The following LARS2 variants were observed in gnomAD, a reference collection of about 807,000 sequenced individuals.
LARS2 encodes leucine--tRNA ligase, mitochondrial.
Under a neutral mutation model 116.6 loss-of-function variants are expected in LARS2, and 81 were observed. That is an observed-to-expected ratio of 0.69 (90% confidence interval 0.58 to 0.84). The LOEUF (loss-of-function observed/expected upper bound fraction) is 0.84. Ranked by LOEUF, LARS2 falls within the 40% of genes least tolerant of loss-of-function variation. LARS2 has a pLI of 0.00. For missense variants in LARS2, 968 were observed against 1,114.5 expected, an observed-to-expected ratio of 0.87 and a Z score of 1.87; for synonymous variants, 396 against 407.2, an observed-to-expected ratio of 0.97 and a Z score of 0.33.
intron 21 of LARS2, among the ~76,000 whole-genome samples, chr3:45,544,569 A>G (rs960098733): frequency 3.3e-5 from 5 of 152,210 alleles, no homozygotes; most frequent in Admixed American, 1.3e-4. Flanking sequence ...TACTAAGCAC[A>G]GTGGCCCTGT....
intron 10 of LARS2, among the ~76,000 whole-genome samples, chr3:45,482,137 C>A (rs1699713044): frequency 6.6e-6 from 1 of 152,130 alleles, no homozygotes; most frequent in Non-Finnish European, 1.5e-5. Context: ...ATTTTCTGGC[C>A]TTCACTTAAT....
intron 6 of LARS2, among the ~76,000 whole-genome samples, chr3:45,442,788 G>A (rs1698935011): frequency 6.6e-6 from 1 of 152,168 alleles, no homozygotes; most frequent in East Asian, 1.9e-4. Flanking sequence ...GCTCATTGAT[G>A]TTTAACATGT....
intron 8 of LARS2, among the ~76,000 whole-genome samples, chr3:45,471,096 A>C (rs145200074): frequency 0.036 from 5,177 of 144,812 alleles, 99 homozygotes; most frequent in Middle Eastern, 0.072. Context: ...CAAAAACCCC[A>C]AAAAAACAAA....
intron 8 of LARS2, among the ~76,000 whole-genome samples, chr3:45,465,338 G>T (rs1699401510): frequency 6.6e-6 from 1 of 152,070 alleles, no homozygotes; most frequent in Non-Finnish European, 1.5e-5. Context: ...TCCATCCTAT[G>T]CTCTCAGCCC....
At chr3:45,395,099 C>G (rs576796235) in intron 3 of LARS2, among the ~76,000 whole-genome samples, 3 of 152,170 alleles carry the variant, frequency 2.0e-5, no homozygotes, top group Non-Finnish European at 4.4e-5. Flanking sequence ...TGGGGCAGCA[C>G]ACAGGGATCT....
At chr3:45,501,249 CT>C (rs1454716542) in intron 15 of LARS2, among the ~76,000 whole-genome samples, 2 of 149,830 alleles carry the variant, frequency 1.3e-5, no homozygotes, top group Non-Finnish European at 3.0e-5. Flanking sequence ...AAGGTGCCCC[CT>C]CCAATTGTGT....
chr3:45,500,944 A>C (rs1700107281), intron 15 of LARS2, among the ~76,000 whole-genome samples: 1 of 151,998 alleles, frequency 6.6e-6, no homozygotes, highest in Non-Finnish European at 1.5e-5. Context: ...GCTTGGCTGA[A>C]TCCCACCTTG....
chr3:45,468,177 A>G (rs1699459684), intron 8 of LARS2, among the ~76,000 whole-genome samples: 1 of 152,164 alleles, frequency 6.6e-6, no homozygotes. Flanking sequence ...TCATTTATTT[A>G]CACATCTTCT....
intron 4 of LARS2, among the ~76,000 whole-genome samples, chr3:45,404,756 C>T (rs1001991839): frequency 6.6e-5 from 10 of 152,096 alleles, no homozygotes; most frequent in Non-Finnish European, 1.0e-4. Flanking sequence ...CCACCACACC[C>T]GGCTAATTTT....
At chr3:45,534,877 G>A (rs185751721) in intron 20 of LARS2, among the ~76,000 whole-genome samples, 4 of 152,232 alleles carry the variant, frequency 2.6e-5, no homozygotes, top group East Asian at 1.9e-4. Context: ...CTGAAGCTTC[G>A]GATCTGAGAA....
At position 45,392,552 on chromosome 3, in the gene LARS2, C is replaced by T. The variant is rs1697973746; in HGVS notation, c.-22+904C>T. Among the ~76,000 whole-genome samples, 3 of 152,248 alleles carry T rather than the reference C, an allele frequency of 2.0e-5. No individual in the cohort carries two copies. The South Asian group carries it at 6.2e-4, about 32-fold the overall frequency. On this transcript the variant is annotated intron_variant, in intron 2 of 21. Coordinates refer to ENST00000645846, the MANE Select transcript of LARS2 (RefSeq NM_015340.4). ...TCAGGTGATCCGCCTGCCTCAGCCTCCCAGAATGCTGGTGTTACAGACGTG... is the reference window on the plus strand; with the variant it reads ...TCAGGTGATCCGCCTGCCTCAGCCTTCCAGAATGCTGGTGTTACAGACGTG...
In LARS2 at chr3:45,415,858, A is replaced by AT. The variant is rs1319147035; in HGVS notation, c.364-1624_364-1623insT. Among the ~76,000 whole-genome samples the AT allele has an allele frequency of 6.7e-3, 675 of 100,132 alleles. 8 individuals are homozygous for AT. The highest frequency in any genetic ancestry group is 0.022 in the African/African-American group (429 of 19,128). 65.7% of individuals were successfully genotyped at this position (100,132 alleles called of 152,430 possible). On this transcript the variant is annotated intron_variant, in intron 4 of 21. Transcript: ENST00000645846. ...GCAAGACTCCATCTCAAAAAAAAAA[A>AT]AAATATATATATATATATAGAGAGA...
chr3:45,447,526 A>T (rs1471543119), intron 7 of LARS2, among the ~76,000 whole-genome samples: 1 of 126,690 alleles, frequency 7.9e-6, no homozygotes, highest in Non-Finnish European at 1.8e-5. Flanking sequence ...GGATGAGTTC[A>T]GCCAAATTCT....
intron 7 of LARS2, among the ~76,000 whole-genome samples, chr3:45,454,331 G>T (rs1699180694): frequency 6.6e-6 from 1 of 152,164 alleles, no homozygotes; most frequent in Non-Finnish European, 1.5e-5. Flanking sequence ...CTTTGTGTTT[G>T]TTGTGTTATG....
At position 45,518,014 on chromosome 3, in the gene LARS2, A is replaced by G. The variant is rs1272514287; in HGVS notation, c.2156A>G (p.Asn719Ser). Residue 719 changes from asparagine to serine, a missense_variant, in exon 18 of 22, where the codon AAC becomes AGC. Physicochemically the swap from Asn to Ser is conservative, Grantham distance 46. Coordinates refer to ENST00000645846, the MANE Select transcript of LARS2 (RefSeq NM_015340.4). Reference sequence around the variant, plus strand: ...TCTCCCCAGCCTCAGCTGCTGAGTAACAAGGAGAAAGCTGAGGCCAGGAAG... The same window carrying G: ...TCTCCCCAGCCTCAGCTGCTGAGTAGCAAGGAGAAAGCTGAGGCCAGGAAG... ...GKSPQPQLLS[N>S]KEKAEARKLW... 1.2e-6 allele frequency: 2 copies of G among 1,613,758 alleles called. No homozygotes were observed. Among genetic ancestry groups the G allele is most frequent in the African/African-American group, 2.7e-5 (2 of 75,032 alleles).
Position 45,541,917 on chromosome 3 carries a change from G to T in LARS2, c.2493G>T (p.Glu831Asp), listed in dbSNP as rs9827689. ...AGGCATGGCCTGCTGTGGACCCGGAGTTCCTGCAGCAGCCTGAGGTTGTCC... is the reference window on the plus strand; with the variant it reads ...AGGCATGGCCTGCTGTGGACCCGGATTTCCTGCAGCAGCCTGAGGTTGTCC... ...LLQAWPAVDP[E>D]FLQQPEVVQM... is the part of the protein sequence containing the mutation. Residue 831 changes from glutamate (E) to aspartate (D), a missense_variant, in exon 21 of 22, where the codon GAG (glutamate) becomes GAT (aspartate). Transcript: ENST00000645846. 2.2e-3 allele frequency: 3,476 copies of T among 1,614,234 alleles called. 65 individuals carry two copies. The African/African-American group carries it at 0.04, about 19-fold the overall frequency.
chr3:45,433,762 G>C (rs577286347), intron 6 of LARS2, among the ~76,000 whole-genome samples: 1 of 152,030 alleles, frequency 6.6e-6, no homozygotes, highest in East Asian at 1.9e-4. Context: ...ACTTTCTTTA[G>C]CCATTCCTTT....
At chr3:45,402,492 A>G (rs1243479006) in intron 4 of LARS2, among the ~76,000 whole-genome samples, 1 of 152,228 alleles carries the variant, frequency 6.6e-6, no homozygotes, top group Non-Finnish European at 1.5e-5. Context: ...CATTGCTACT[A>G]TGAACCTGTC....
rs757065034 is a variant in LARS2, at chr3:45,476,460, A to T, written c.859-8A>T. The T allele has an allele frequency of 1.9e-6, 3 of 1,614,134 alleles. No individual in the cohort carries two copies. In the South Asian group the frequency reaches 3.3e-5, roughly 18 times the overall value. Reference sequence around the variant, plus strand: ...AGAAATGACATCACTCTTCTTTCCTATCACCAGGTTCATGGGCAAGCCACG... The same window carrying T: ...AGAAATGACATCACTCTTCTTTCCTTTCACCAGGTTCATGGGCAAGCCACG... On this transcript the variant is annotated splice_region_variant and splice_polypyrimidine_tract_variant and intron_variant, in intron 9 of 21. Transcript: ENST00000645846.
Sources: gnomAD v4.1 joint callset for allele counts (sites outside exome capture counted in the v4.1 genomes callset) on GRCh38, gnomAD v4.1.1 for gene constraint, MANE v1.5 for transcripts, NCBI Gene and HGNC (gene_info 2026-07-23, HGNC 2026-07-21) for gene names.